Variants in THSD7B observed in about 807,000 individuals in gnomAD.
The protein encoded by THSD7B is thrombospondin type 1 domain containing 7B, also known as thrombospondin type-1 domain-containing protein 7B.
In THSD7B, 138 loss-of-function variants were observed where a neutral mutation model predicts 213.6. The observed-to-expected ratio is 0.65, with a 90% CI of 0.56 to 0.74. THSD7B has a LOEUF of 0.74. THSD7B is among the 30% of genes least tolerant of loss of function. The pLI is 0.00. For missense variants in THSD7B, 1,931 were observed against 1,991.5 expected, an observed-to-expected ratio of 0.97 and a Z score of 0.58; for synonymous variants, 742 against 687.0, an observed-to-expected ratio of 1.08 and a Z score of -1.25.
At chr2:136,804,266 C>T (rs1682243469) in intron 1 of THSD7B, among the ~76,000 whole-genome samples, 2 of 152,018 alleles carry the variant, frequency 1.3e-5, no homozygotes, top group Non-Finnish European at 2.9e-5. Context: ...CAAAGATCTT[C>T]CGTATATAAT....
intron 16 of THSD7B, among the ~76,000 whole-genome samples, chr2:137,570,776 AG>A (rs1417855057): frequency 2.0e-5 from 3 of 152,136 alleles, no homozygotes; most frequent in African/African-American, 7.2e-5. Context: ...TTATAGTGCT[AG>A]GGATCATGTC....
At chr2:137,331,228 A>G (rs1182144507) in intron 12 of THSD7B, among the ~76,000 whole-genome samples, 9 of 149,762 alleles carry the variant, frequency 6.0e-5, no homozygotes, top group Non-Finnish European at 1.3e-4. Flanking sequence ...CTAGACATAA[A>G]GGTACTCCAA....
intron 17 of THSD7B, among the ~76,000 whole-genome samples, chr2:137,584,323 C>T (rs1681660054): frequency 1.3e-5 from 2 of 152,108 alleles, no homozygotes; most frequent in Admixed American, 6.6e-5. Context: ...AATTGAATAC[C>T]AGTTATTTCT....
At chr2:137,121,058 TTTAG>T (rs1049761871) in intron 5 of THSD7B, among the ~76,000 whole-genome samples, 1 of 152,196 alleles carries the variant, frequency 6.6e-6, no homozygotes, top group Non-Finnish European at 1.5e-5. Flanking sequence ...TGTATCTAAG[TTTAG>T]TTAATTTTTA....
chr2:137,311,652 T>C (rs1683910466), intron 12 of THSD7B, among the ~76,000 whole-genome samples: 1 of 152,074 alleles, frequency 6.6e-6, no homozygotes, highest in Non-Finnish European at 1.5e-5. Flanking sequence ...TTGTCATAGA[T>C]AGCTCTTATT....
chr2:137,340,289 G>A (rs907289596), intron 12 of THSD7B, among the ~76,000 whole-genome samples: 1 of 151,832 alleles, frequency 6.6e-6, no homozygotes, highest in African/African-American at 2.4e-5. Flanking sequence ...TATAAAGGAT[G>A]TAAAGGTTTT....
At chr2:136,912,915 T>TG (rs1684290271) in intron 2 of THSD7B, among the ~76,000 whole-genome samples, 1 of 151,848 alleles carries the variant, frequency 6.6e-6, no homozygotes, top group African/African-American at 2.4e-5. Context: ...ACCAGTAGAG[T>TG]GGGGCGTTGC....
chr2:137,651,466 T>G (rs895279792), intron 21 of THSD7B, among the ~76,000 whole-genome samples: 28 of 152,014 alleles, frequency 1.8e-4, no homozygotes, highest in Non-Finnish European at 1.9e-4. Context: ...TCTTTTTTCT[T>G]AGTCTAGCTA....
chr2:136,793,391 C>G (rs1192069311), intron 1 of THSD7B, among the ~76,000 whole-genome samples: 1 of 152,006 alleles, frequency 6.6e-6, no homozygotes, highest in Non-Finnish European at 1.5e-5. Context: ...GTTGTAAAGT[C>G]TTTATTCACA....
intron 10 of THSD7B, among the ~76,000 whole-genome samples, chr2:137,254,579 A>C (rs1682261326): frequency 6.6e-6 from 1 of 152,132 alleles, no homozygotes; most frequent in African/African-American, 2.4e-5. Flanking sequence ...AATCTAACAG[A>C]CTTCTGGTGG....
chr2:137,339,669 A>G (rs1684715933), intron 12 of THSD7B, among the ~76,000 whole-genome samples: 1 of 151,930 alleles, frequency 6.6e-6, no homozygotes. Context: ...TAGAAGAAAG[A>G]TCAGTCCTGT....
intron 19 of THSD7B, among the ~76,000 whole-genome samples, chr2:137,620,403 T>A (rs931564569): frequency 6.6e-5 from 10 of 152,160 alleles, no homozygotes; most frequent in Non-Finnish European, 1.3e-4. Context: ...TAAAAAGAAA[T>A]TTTGGCTGAC....
chr2:137,366,090 A>C (rs1023139854), intron 12 of THSD7B, among the ~76,000 whole-genome samples: 1 of 151,982 alleles, frequency 6.6e-6, no homozygotes, highest in South Asian at 2.1e-4. Context: ...TGTCCTTTGT[A>C]GGGACATGGA....
chr2:137,300,727 CA>C (rs1427914553), intron 12 of THSD7B, among the ~76,000 whole-genome samples: 1 of 151,954 alleles, frequency 6.6e-6, no homozygotes, highest in African/African-American at 2.4e-5. Context: ...TGAAATCAGC[CA>C]AAGAAATACA....
At chr2:137,507,642 TG>T (rs1679866497) in intron 15 of THSD7B, among the ~76,000 whole-genome samples, 1 of 152,230 alleles carries the variant, frequency 6.6e-6, no homozygotes, top group African/African-American at 2.4e-5. Flanking sequence ...TTTCCAAACC[TG>T]AATTTTTCTT....
rs558206107 is a variant in THSD7B at position 136,870,290 on chromosome 2, G to A, written c.-35-11854G>A. Reference sequence around the variant, plus strand: ...CATATTTCTCCCATCATATGCTAAAGCTTCTTCACTGAAGTTATGGTCCAA... The same window carrying A: ...CATATTTCTCCCATCATATGCTAAAACTTCTTCACTGAAGTTATGGTCCAA... On this transcript the variant is annotated intron_variant, in intron 1 of 27. Coordinates refer to ENST00000409968, the MANE Select transcript of THSD7B (RefSeq NM_001316349.2). Among the ~76,000 whole-genome samples, 5 of 152,284 alleles carry A rather than the reference G, an allele frequency of 3.3e-5. No individual in the cohort carries two copies. The East Asian group carries it at 9.7e-4, about 29-fold the overall frequency.
chr2:137,497,217 A>G (rs1477510110), intron 15 of THSD7B, among the ~76,000 whole-genome samples: 1 of 26,862 alleles, frequency 3.7e-5, no homozygotes, highest in Non-Finnish European at 1.8e-4. Context: ...ACACAGACAC[A>G]CACACACACA....
intron 2 of THSD7B, among the ~76,000 whole-genome samples, chr2:136,983,332 A>AACACACAC (rs113710126): frequency 3.6e-5 from 1 of 27,596 alleles, no homozygotes; most frequent in Non-Finnish European, 1.2e-4. Context: ...TTGTTGCTTC[A>AACACACAC]ACACACACAC....
At chr2:136,867,756 A>T (rs917495897) in intron 1 of THSD7B, among the ~76,000 whole-genome samples, 1 of 152,204 alleles carries the variant, frequency 6.6e-6, no homozygotes, top group Non-Finnish European at 1.5e-5. Flanking sequence ...TTCTAAATGT[A>T]AAATTTCCAG....
Sources: allele counts gnomAD v4.1 joint callset (sites outside exome capture counted in the v4.1 genomes callset), GRCh38; gene constraint gnomAD v4.1.1; transcripts MANE v1.5; gene names NCBI Gene and HGNC (gene_info 2026-07-23, HGNC 2026-07-21).